The following KRT80 variants were observed in gnomAD, a reference collection of about 807,000 sequenced individuals.
KRT80 encodes the protein keratin, type II cytoskeletal 80.
In KRT80, 36 loss-of-function variants were observed where a neutral mutation model predicts 51.5. That is an observed-to-expected ratio of 0.70 (90% CI 0.54 to 0.92). The LOEUF (loss-of-function observed/expected upper bound fraction) is 0.92. Among genes scored for constraint, KRT80 ranks in the 40% least tolerant of loss-of-function variants. The pLI, the probability that KRT80 is intolerant of heterozygous loss-of-function variation, is 0.00. For synonymous variants in KRT80, 235 were observed against 248.3 expected (o/e 0.95, Z 0.50); for missense variants, 566 against 591.7 (o/e 0.96, Z 0.45).
intron 2 of KRT80, among the ~76,000 whole-genome samples, chr12:52,182,787 C>T (rs190367158): frequency 3.3e-5 from 5 of 152,262 alleles, no homozygotes; most frequent in Non-Finnish European, 5.9e-5. Context: ...GCCAGGTCTG[C>T]CTTGACCCTG....
chr12:52,181,929 A>G (rs1205251500), intron 2 of KRT80, among the ~76,000 whole-genome samples: 1 of 152,152 alleles, frequency 6.6e-6, no homozygotes, highest in Non-Finnish European at 1.5e-5. Context: ...CTCTAATTAC[A>G]GCCGCCTGCC....
At chr12:52,173,494 T>A (rs1388945111) in intron 5 of KRT80, 106 bp downstream of exon 5, 4 of 1,198,268 alleles carry the variant, frequency 3.3e-6, no homozygotes, top group Non-Finnish European at 4.8e-6. Context: ...TCATAGACTT[T>A]CAGGACAGAG....
chr12:52,191,145 G>T (rs566197001), intron 1 of KRT80, among the ~76,000 whole-genome samples: 10 of 152,162 alleles, frequency 6.6e-5, no homozygotes, highest in Non-Finnish European at 1.5e-4. Flanking sequence ...TTTTCTGACT[G>T]GGGCAGCTGA....
chr12:52,173,270 C>T lies in KRT80; in HGVS notation c.832-107G>A, dbSNP rs374332251. ...TCCTCCAGTCCCATCTCCAACTCTG[C>T]AGCCCACCACGCCACGCCAGGCTCC... On this transcript the variant is annotated intron_variant, in intron 5 of 8. Coordinates refer to ENST00000394815, the MANE Select transcript of KRT80 (RefSeq NM_182507.3). 6.7e-5 allele frequency: 90 copies of T among 1,346,962 alleles called. 1 individual carries two copies. In the East Asian group the frequency reaches 1.3e-3, roughly 19 times the overall value. The allele number at this position is 1,346,962 out of a possible 1,614,324, so 83.4% of individuals were successfully genotyped here.
At chr12:52,184,814 G>A (rs1941377580) in intron 2 of KRT80, among the ~76,000 whole-genome samples, 1 of 152,230 alleles carries the variant, frequency 6.6e-6, no homozygotes, top group African/African-American at 2.4e-5. Flanking sequence ...TACTGGGGCT[G>A]TTTTCCTTAT....
At chr12:52,184,971 A>G (rs529430375) in intron 2 of KRT80, among the ~76,000 whole-genome samples, 1 of 152,336 alleles carries the variant, frequency 6.6e-6, no homozygotes, top group East Asian at 1.9e-4. Context: ...GCCACATCTA[A>G]AACAGAAACC....
intron 1 of KRT80, among the ~76,000 whole-genome samples, chr12:52,190,492 TCC>T: frequency 6.6e-6 from 1 of 152,316 alleles, no homozygotes; most frequent in African/African-American, 2.4e-5. Flanking sequence ...CTCTGTGAGC[TCC>T]CACCTCATGG....
chr12:52,180,398 G>C, intron 4 of KRT80, 115 bp downstream of exon 4: 1 of 612,134 alleles, frequency 1.6e-6, no homozygotes, highest in Non-Finnish European at 2.6e-6. Context: ...GCTGGAAATT[G>C]TAAGTGACTG....
At chr12:52,180,674 G>A (rs1444904900) in intron 3 of KRT80, 66 bp from the exon 4 acceptor site, 3 of 1,576,210 alleles carry the variant, frequency 1.9e-6, no homozygotes, top group East Asian at 2.2e-5. Context: ...GGAGTGGGCT[G>A]GGGGGCTGCC....
chr12:52,186,083 C>T (rs1941400083), intron 1 of KRT80, among the ~76,000 whole-genome samples: 1 of 152,164 alleles, frequency 6.6e-6, no homozygotes, highest in South Asian at 2.1e-4. Context: ...ACCTCAGTTT[C>T]CCCAGCTAGA....
At chr12:52,189,033 G>GCAGC (rs1396236480) in intron 1 of KRT80, among the ~76,000 whole-genome samples, 1 of 152,102 alleles carries the variant, frequency 6.6e-6, no homozygotes, top group Non-Finnish European at 1.5e-5. Flanking sequence ...CCAGGAAAAC[G>GCAGC]CAGCCAGCAA....
chr12:52,185,986 C>A (rs1235348757), intron 1 of KRT80, among the ~76,000 whole-genome samples: 2 of 151,980 alleles, frequency 1.3e-5, no homozygotes, highest in Non-Finnish European at 2.9e-5. Context: ...CAAGTGTGGT[C>A]CCATCTTGTC....
At chr12:52,183,548 C>T (rs978310304) in intron 2 of KRT80, among the ~76,000 whole-genome samples, 44 of 152,176 alleles carry the variant, frequency 2.9e-4, no homozygotes, top group African/African-American at 1.1e-3. Flanking sequence ...TGCCCAGTCT[C>T]TCCTTCCCAA....
chr12:52,179,280 G>T (rs1347345386), intron 4 of KRT80, among the ~76,000 whole-genome samples: 4 of 152,236 alleles, frequency 2.6e-5, no homozygotes, highest in Non-Finnish European at 5.9e-5. Flanking sequence ...GGCTGCACCA[G>T]CCCACAGTGA....
chr12:52,182,385 C>T (rs1410002479), intron 2 of KRT80, among the ~76,000 whole-genome samples: 1 of 152,146 alleles, frequency 6.6e-6, no homozygotes, highest in African/African-American at 2.4e-5. Context: ...ACTGGGGGCT[C>T]CTGGAGTGTG....
At chr12:52,177,524 G>A (rs1349929478) in intron 4 of KRT80, among the ~76,000 whole-genome samples, 1 of 152,182 alleles carries the variant, frequency 6.6e-6, no homozygotes, top group East Asian at 1.9e-4. Context: ...CTTCCAGCCT[G>A]TGCCCCCAGG....
At position 52,169,421 on chromosome 12, in the gene KRT80, A is replaced by G. The variant is rs1288671813; in HGVS notation, c.*1977T>C. ...TCTGAAGATATAACTAAGTCCCTGG[A>G]CTTTTTCTCCCTTAATTGGAGAATT... On this transcript the variant is annotated 3_prime_UTR_variant, in exon 9 of 9. Transcript: ENST00000394815. The G allele has an allele frequency of 2.0e-5, 3 of 152,606 alleles. No individual in the cohort carries two copies. Among genetic ancestry groups the G allele is most frequent in the East Asian group, 3.8e-4 (2 of 5,196 alleles). The allele number at this position is 152,606 out of a possible 1,614,324, so 9.5% of individuals were successfully genotyped here. A position where few individuals can be genotyped will look rare whatever the true frequency, so the allele number is the denominator to read the frequency against.
chr12:52,180,056 C>A (rs138812100), intron 4 of KRT80, among the ~76,000 whole-genome samples: 12 of 152,170 alleles, frequency 7.9e-5, no homozygotes, highest in South Asian at 2.1e-4. Flanking sequence ...CCTCTGTCTT[C>A]GCCAAAAATG....
chr12:52,184,387 C>T (rs1941370236), intron 2 of KRT80, among the ~76,000 whole-genome samples: 1 of 152,238 alleles, frequency 6.6e-6, no homozygotes, highest in Admixed American at 6.5e-5. Context: ...CACAGAGGGT[C>T]ACCTCTCCTC....
Sources: allele counts gnomAD v4.1 joint callset (sites outside exome capture counted in the v4.1 genomes callset), GRCh38; gene constraint gnomAD v4.1.1; transcripts MANE v1.5; gene names NCBI Gene and HGNC (gene_info 2026-07-23, HGNC 2026-07-21).